The following GRM5 variants were observed in gnomAD, a reference collection of about 807,000 sequenced individuals.
GRM5 encodes the protein metabotropic glutamate receptor 5.
In GRM5, 19 loss-of-function variants were observed where a neutral mutation model predicts 83.1. The observed-to-expected ratio is 0.23, with a 90% CI of 0.16 to 0.34. The LOEUF (loss-of-function observed/expected upper bound fraction) is 0.34, where lower values mean the gene tolerates loss of function less well. Ranked by LOEUF, GRM5 falls within the 10% of genes least tolerant of loss-of-function variation. The pLI, the probability that GRM5 is intolerant of heterozygous loss-of-function variation, is 1.00. For missense variants in GRM5, 1,160 were observed against 1,588.3 expected, an observed-to-expected ratio of 0.73 and a Z score of 4.58; for synonymous variants, 675 against 633.6, an observed-to-expected ratio of 1.07 and a Z score of -0.98.
chr11:88,796,738 AGATCTTAG>A (rs779347694), intron 3 of GRM5, among the ~76,000 whole-genome samples: 4 of 152,150 alleles, frequency 2.6e-5, no homozygotes, highest in Admixed American at 2.0e-4. Context: ...AATGCTCTTG[AGATCTTAG>A]GATCTTAGGA....
Position 88,681,565 on chromosome 11 carries a change from C to CTTTTTTTTTTTT in GRM5, c.912-28174_912-28163dup, listed in dbSNP as rs796854617. ...ATAAACTCAAGAGGTTGAGTTCTTC[C>CTTTTTTTTTTTT]TTTTTTTTTTTTTTTTTTTTTTTTG... is the stretch of plus-strand genomic sequence containing the variant. On this transcript the variant is annotated intron_variant, in intron 3 of 9. Coordinates refer to ENST00000305447, the MANE Select transcript of GRM5 (RefSeq NM_001143831.3). 7.9e-4 allele frequency among the ~76,000 whole-genome samples: 20 copies of CTTTTTTTTTTTT among 25,412 alleles called. 4 individuals are homozygous for CTTTTTTTTTTTT. Among genetic ancestry groups the CTTTTTTTTTTTT allele is most frequent in the Admixed American group, 1.4e-3 (2 of 1,392 alleles). 16.7% of individuals were successfully genotyped at this position (25,412 alleles called of 152,430 possible). A position where few individuals can be genotyped will look rare whatever the true frequency, so the allele number is the denominator to read the frequency against.
intron 7 of GRM5, among the ~76,000 whole-genome samples, chr11:88,585,855 C>G (rs909095742): frequency 2.0e-5 from 3 of 152,120 alleles, no homozygotes; most frequent in Non-Finnish European, 4.4e-5. Flanking sequence ...GGAATAACTG[C>G]TTGCTGTCCT....
chr11:88,663,025 C>T (rs1204843111), intron 3 of GRM5, among the ~76,000 whole-genome samples: 1 of 152,140 alleles, frequency 6.6e-6, no homozygotes, highest in African/African-American at 2.4e-5. Context: ...TTTCTTTAAG[C>T]TTCTAATTTT....
chr11:88,542,268 G>T (rs1322751745), intron 8 of GRM5, among the ~76,000 whole-genome samples: 2 of 152,086 alleles, frequency 1.3e-5, no homozygotes, highest in African/African-American at 4.8e-5. Context: ...GCAAAGCCAG[G>T]ACTCATATTT....
At chr11:88,737,004 C>CAGTA (rs1218926028) in intron 3 of GRM5, among the ~76,000 whole-genome samples, 2 of 152,012 alleles carry the variant, frequency 1.3e-5, no homozygotes, top group Non-Finnish European at 2.9e-5. Flanking sequence ...AGTGCTAAAC[C>CAGTA]AGTAAGTTAT....
At chr11:88,764,193 C>G (rs1942582500) in intron 3 of GRM5, among the ~76,000 whole-genome samples, 1 of 151,606 alleles carries the variant, frequency 6.6e-6, no homozygotes, top group Non-Finnish European at 1.5e-5. Context: ...TACACAAGAA[C>G]AGACAATCAA....
intron 3 of GRM5, among the ~76,000 whole-genome samples, chr11:88,844,478 C>T (rs1944264406): frequency 6.6e-6 from 1 of 152,038 alleles, no homozygotes; most frequent in South Asian, 2.1e-4. Flanking sequence ...TGGAGACATA[C>T]ATGGAGTTTA....
At chr11:88,901,273 C>T (rs1590950403) in intron 2 of GRM5, among the ~76,000 whole-genome samples, 1 of 152,166 alleles carries the variant, frequency 6.6e-6, no homozygotes, top group Non-Finnish European at 1.5e-5. Context: ...TATTGATTGA[C>T]TTTGATGTTG....
intron 3 of GRM5, among the ~76,000 whole-genome samples, chr11:88,791,104 A>G (rs1943164679): frequency 1.3e-5 from 2 of 152,198 alleles, no homozygotes; most frequent in African/African-American, 4.8e-5. Flanking sequence ...AAAGAAGTTA[A>G]ACCAGTAGCA....
chr11:88,655,047 A>G (rs1459514170), intron 3 of GRM5, among the ~76,000 whole-genome samples: 1 of 152,090 alleles, frequency 6.6e-6, no homozygotes, highest in African/African-American at 2.4e-5. Flanking sequence ...ATAAACAGAA[A>G]GAACACTGTT....
At chr11:88,750,505 C>T (rs1222925722) in intron 3 of GRM5, among the ~76,000 whole-genome samples, 1 of 152,118 alleles carries the variant, frequency 6.6e-6, no homozygotes, top group African/African-American at 2.4e-5. Flanking sequence ...CTTTAACATT[C>T]CACTGACAAT....
chr11:89,045,812 G>T (rs1427531317), intron 2 of GRM5, among the ~76,000 whole-genome samples: 1 of 152,054 alleles, frequency 6.6e-6, no homozygotes. Context: ...GCCTTTTCAA[G>T]CACATTTTTA....
chr11:88,680,033 G>GT (rs1940438554), intron 3 of GRM5, among the ~76,000 whole-genome samples: 1 of 152,050 alleles, frequency 6.6e-6, no homozygotes, highest in African/African-American at 2.4e-5. Context: ...TGTTGTGCTG[G>GT]TAATCTATGG....
chr11:88,915,271 C>T (rs1446171456), intron 2 of GRM5, among the ~76,000 whole-genome samples: 9 of 151,814 alleles, frequency 5.9e-5, no homozygotes, highest in African/African-American at 4.8e-5. Context: ...TAAAGCTGCC[C>T]GATAGAGCTT....
At chr11:88,986,556 T>C (rs1216199154) in intron 2 of GRM5, among the ~76,000 whole-genome samples, 1 of 152,132 alleles carries the variant, frequency 6.6e-6, no homozygotes, top group Non-Finnish European at 1.5e-5. Context: ...TTACTTGTTT[T>C]TTGCTACTAA....
At chr11:88,935,560 A>C (rs1937864112) in intron 2 of GRM5, among the ~76,000 whole-genome samples, 2 of 151,950 alleles carry the variant, frequency 1.3e-5, no homozygotes, top group South Asian at 2.1e-4. Context: ...TCTTTAGGAA[A>C]ATCCATGAGC....
At chr11:88,947,328 G>A (rs1275219931) in intron 2 of GRM5, among the ~76,000 whole-genome samples, 1 of 151,906 alleles carries the variant, frequency 6.6e-6, no homozygotes, top group African/African-American at 2.4e-5. Flanking sequence ...AGTTAACTCT[G>A]GTTACTTTAA....
At chr11:88,606,483 T>C (rs2135234227) in intron 4 of GRM5, among the ~76,000 whole-genome samples, 1 of 152,318 alleles carries the variant, frequency 6.6e-6, no homozygotes, top group South Asian at 2.1e-4. Flanking sequence ...GCCATTGCAC[T>C]CCAGCCTGGG....
chr11:88,858,889 T>C (rs1362136822), intron 2 of GRM5, among the ~76,000 whole-genome samples: 2 of 152,106 alleles, frequency 1.3e-5, no homozygotes, highest in East Asian at 1.9e-4. Flanking sequence ...GAGTCCTCAG[T>C]ATATGGATAG....
Sources: gnomAD v4.1 joint callset for allele counts (sites outside exome capture counted in the v4.1 genomes callset) on GRCh38, gnomAD v4.1.1 for gene constraint, MANE v1.5 for transcripts, NCBI Gene and HGNC (gene_info 2026-07-23, HGNC 2026-07-21) for gene names.